The following COMT variants were observed in gnomAD, a reference collection of about 807,000 sequenced individuals.
The protein encoded by COMT is catechol O-methyltransferase.
Under a neutral mutation model 18.9 loss-of-function variants are expected in COMT, and 13 were observed. The observed-to-expected ratio is 0.69, with a 90% CI of 0.45 to 1.09. The LOEUF (loss-of-function observed/expected upper bound fraction) is 1.09, where lower values mean the gene tolerates loss of function less well. Among genes scored for constraint, COMT ranks in the 50% least tolerant of loss-of-function variants. The pLI is 0.00. For synonymous variants in COMT, 150 were observed against 160.9 expected, an observed-to-expected ratio of 0.93 and a Z score of 0.51; for missense variants, 329 against 361.8, an observed-to-expected ratio of 0.91 and a Z score of 0.73.
intron 1 of COMT, among the ~76,000 whole-genome samples, chr22:19,953,376 C>T (rs1054881369): frequency 1.3e-5 from 2 of 152,166 alleles, no homozygotes; most frequent in African/African-American, 4.8e-5. Context: ...CTGCAACAAC[C>T]TCCACCTCCA....
chr22:19,946,316 G>T (rs952209959), intron 1 of COMT, among the ~76,000 whole-genome samples: 2 of 152,040 alleles, frequency 1.3e-5, no homozygotes, highest in Admixed American at 6.6e-5. Flanking sequence ...GTGAAACCCT[G>T]TCTCTACCAA....
intron 5 of COMT, chr22:19,967,696 ATTGC>A: frequency 3.8e-6 from 1 of 264,176 alleles, no homozygotes. Flanking sequence ...GATGTTTGAG[ATTGC>A]TTGTTAACTT....
intron 3 of COMT, chr22:19,963,314 G>T: frequency 3.3e-6 from 2 of 597,176 alleles, no homozygotes; most frequent in East Asian, 5.6e-5. Flanking sequence ...AGGGACCAGC[G>T]TGAGCATAGA....
At position 19,962,743 on chromosome 22, in the gene COMT, C is replaced by T. The variant is rs1266592118; in HGVS notation, c.217C>T (p.Gln73Ter). 2 of 1,613,626 alleles carry T rather than the reference C, an allele frequency of 1.2e-6. No homozygotes were observed. The highest frequency in any genetic ancestry group is 1.7e-5 in the Admixed American group (1 of 59,998). ...VLQHAEPGNA[Q>*]SVLEAIDTYC... ...GCAGCATGCGGAGCCCGGGAACGCA[C>T]AGAGCGTGCTGGAGGCCATTGACAC... Residue 73 changes from glutamine to a stop codon, truncating the protein, a stop_gained, in exon 3 of 6, where the codon CAG (glutamine) becomes TAG (stop). Coordinates refer to ENST00000361682, the MANE Select transcript of COMT (RefSeq NM_000754.4). LOFTEE classifies it high-confidence loss of function.
chr22:19,969,913 T>G lies in COMT; in HGVS notation c.*1177T>G. 1 of 985,526 alleles carries G rather than the reference T, an allele frequency of 1.0e-6. No homozygotes were observed. Among genetic ancestry groups the G allele is most frequent in the Non-Finnish European group, 1.2e-6 (1 of 829,930 alleles). 61.0% of individuals were successfully genotyped at this position (985,526 alleles called of 1,614,324 possible). A position where few individuals can be genotyped will look rare whatever the true frequency, so the allele number is the denominator to read the frequency against. On this transcript the variant is annotated 3_prime_UTR_variant, in exon 6 of 6. Transcript: ENST00000361682. ...GCAAAAAGTTCCTTTGCTGCTTTAA[T>G]TTTTAAATTTTCTTACAAAAATTTA...
intron 2 of COMT, chr22:19,962,215 T>G: frequency 1.8e-5 from 8 of 440,820 alleles, no homozygotes; most frequent in Non-Finnish European, 2.5e-5. Flanking sequence ...TCTGCTTCTG[T>G]ATTTTGTGTG....
chr22:19,953,100 G>GGAGTGTGAT (rs1481181400), intron 1 of COMT, among the ~76,000 whole-genome samples: 1 of 152,164 alleles, frequency 6.6e-6, no homozygotes, highest in East Asian at 1.9e-4. Context: ...GAGCCTGGCC[G>GGAGTGTGAT]GAGTGTGATG....
intron 1 of COMT, among the ~76,000 whole-genome samples, chr22:19,952,431 A>C (rs972008256): frequency 6.6e-6 from 1 of 152,090 alleles, no homozygotes; most frequent in East Asian, 1.9e-4. Flanking sequence ...TGAGGTCAGG[A>C]GATCGAGACC....
At position 19,964,181 on chromosome 22, in the gene COMT, T is replaced by C. The variant is rs1243145884; in HGVS notation, c.497T>C (p.Val166Ala). Residue 166 changes from valine (V) to alanine (A), a missense_variant, in exon 5 of 6, where the codon GTT (valine) becomes GCT (alanine). By Grantham distance (64) the Val-to-Ala change is moderately conservative (BLOSUM62 0). Coordinates refer to ENST00000361682, the MANE Select transcript of COMT (RefSeq NM_000754.4). ...AGVKDKVTLV[V>A]GASQDIIPQL... is the part of the protein sequence containing the mutation. ...GCGCTGTTCCAGGTCACCCTTGTGG[T>C]TGGAGCGTCCCAGGACATCATCCCC... The C allele has an allele frequency of 5.6e-6, 9 of 1,614,084 alleles. No individual in the cohort carries two copies. Among genetic ancestry groups the C allele is most frequent in the African/African-American group, 5.3e-5 (4 of 75,058 alleles).
rs72547447 is a variant in COMT, at chr22:19,948,566, G to A, written c.-92+6669G>A. 1.0e-3 allele frequency among the ~76,000 whole-genome samples: 156 copies of A among 152,280 alleles called. 2 individuals are homozygous for A. The East Asian group carries it at 0.025, about 24-fold the overall frequency. ...TCCCATGTACTCTGAAGACTGAGGC[G>A]GGAGGATCACTTGAGCCCAGGAGTT... On this transcript the variant is annotated intron_variant, in intron 1 of 5. Transcript: ENST00000361682.
At chr22:19,956,891 G>A (rs1942076252) in intron 1 of COMT, among the ~76,000 whole-genome samples, 1 of 151,840 alleles carries the variant, frequency 6.6e-6, no homozygotes, top group African/African-American at 2.4e-5. Flanking sequence ...ATATTTTAAA[G>A]GATTTTTAAG....
chr22:19,957,166 G>A (rs965996510), intron 1 of COMT, among the ~76,000 whole-genome samples: 8 of 152,014 alleles, frequency 5.3e-5, no homozygotes, highest in African/African-American at 1.9e-4. Context: ...TAGCCAGGAT[G>A]GTCTCGATCT....
chr22:19,941,994 C>T lies in COMT; in HGVS notation c.-92+97C>T, dbSNP rs1941741724. 8.2e-6 allele frequency: 4 copies of T among 487,676 alleles called. No homozygotes were observed. In the South Asian group the frequency reaches 1.2e-4, roughly 14 times the overall value. The allele number at this position is 487,676 out of a possible 1,614,324, so 30.2% of individuals were successfully genotyped here. A position where few individuals can be genotyped will look rare whatever the true frequency, so the allele number is the denominator to read the frequency against. On this transcript the variant is annotated intron_variant, in intron 1 of 5. Transcript: ENST00000361682. ...ACACTGGGATAGGGTGTGGGGAATT[C>T]GGACCGCTGTGAAGTGATCTGACGT... is the stretch of plus-strand genomic sequence containing the variant.
rs750232064 is a variant in COMT, at chr22:19,962,858, C to T, written c.289+43C>T. The T allele has an allele frequency of 8.3e-6, 13 of 1,573,676 alleles. No individual in the cohort carries two copies. The African/African-American group carries it at 1.3e-4, about 16-fold the overall frequency. On this transcript the variant is annotated intron_variant, in intron 3 of 5. Transcript: ENST00000361682. ...AGGTGCTCAGCTCTGGGACAGGGAC[C>T]CAGGACCAGGCATCAAAGCCCTTAC...
Position 19,941,860 on chromosome 22 carries a change from G to C in COMT, c.-129G>C. On this transcript the variant is annotated 5_prime_UTR_variant, in exon 1 of 6. Coordinates refer to ENST00000361682, the MANE Select transcript of COMT (RefSeq NM_000754.4). ...CCCGCCGCGCTGCCTGCGCCGGACC[G>C]GGGCGGGTCCAGTCCCGGGCGGGCC... The C allele has an allele frequency of 6.9e-7, 1 of 1,454,410 alleles. No homozygotes were observed. The highest frequency in any genetic ancestry group is 9.0e-7 in the Non-Finnish European group (1 of 1,111,286). 90.1% of individuals were successfully genotyped at this position (1,454,410 alleles called of 1,614,324 possible).
chr22:19,942,978 T>C (rs1339842538), intron 1 of COMT, among the ~76,000 whole-genome samples: 2 of 152,236 alleles, frequency 1.3e-5, no homozygotes, highest in African/African-American at 4.8e-5. Flanking sequence ...AGGTGTTGGC[T>C]GGAACACACA....
intron 1 of COMT, among the ~76,000 whole-genome samples, chr22:19,959,728 G>A (rs1327851532): frequency 6.6e-6 from 1 of 152,272 alleles, no homozygotes; most frequent in African/African-American, 2.4e-5. Context: ...CGTGGGCACT[G>A]TAGCCCCCAG....
chr22:19,968,980 T>C lies in COMT; in HGVS notation c.*244T>C, dbSNP rs981893856. On this transcript the variant is annotated 3_prime_UTR_variant, in exon 6 of 6. Coordinates refer to ENST00000361682, the MANE Select transcript of COMT (RefSeq NM_000754.4). ...TATATTATCTTATATACTAATATCATGTTTTAAAAATATAAAATAGAAATT... is the reference window on the plus strand; with the variant it reads ...TATATTATCTTATATACTAATATCACGTTTTAAAAATATAAAATAGAAATT... 2 of 423,760 alleles carry C rather than the reference T, an allele frequency of 4.7e-6. No homozygotes were observed. The highest frequency in any genetic ancestry group is 4.0e-5 in the African/African-American group (2 of 50,032). The allele number at this position is 423,760 out of a possible 1,614,324, so 26.2% of individuals were successfully genotyped here. A position where few individuals can be genotyped will look rare whatever the true frequency, so the allele number is the denominator to read the frequency against.
Position 19,969,087 on chromosome 22 carries a change from C to A in COMT, c.*351C>A. 4.1e-6 allele frequency: 1 copy of A among 243,210 alleles called. No homozygotes were observed. 15.1% of individuals were successfully genotyped at this position (243,210 alleles called of 1,614,324 possible). On this transcript the variant is annotated 3_prime_UTR_variant, in exon 6 of 6. Transcript: ENST00000361682. ...CCCCTGCTGCCCTTGACTTGGGCACCAAACATTCAAAGCTCCCCTTGACGG... is the reference window on the plus strand; with the variant it reads ...CCCCTGCTGCCCTTGACTTGGGCACAAAACATTCAAAGCTCCCCTTGACGG...
Sources: allele counts gnomAD v4.1 joint callset (sites outside exome capture counted in the v4.1 genomes callset), GRCh38; gene constraint gnomAD v4.1.1; transcripts MANE v1.5; gene names NCBI Gene and HGNC (gene_info 2026-07-23, HGNC 2026-07-21).